Variants in UBN2 observed in about 807,000 individuals in gnomAD.
UBN2 encodes ubinuclein-2.
In UBN2, 35 loss-of-function variants were observed where a neutral mutation model predicts 120.2. The observed-to-expected ratio is 0.29, with a 90% CI of 0.22 to 0.39. The LOEUF (loss-of-function observed/expected upper bound fraction) is 0.39, where lower values mean the gene tolerates loss of function less well. Among genes scored for constraint, UBN2 ranks in the 10% least tolerant of loss-of-function variants. UBN2 has a pLI of 1.00. For synonymous variants in UBN2, 661 were observed against 648.7 expected, an observed-to-expected ratio of 1.02 and a Z score of -0.29; for missense variants, 1,693 against 1,663.2, an observed-to-expected ratio of 1.02 and a Z score of -0.31.
intron 6 of UBN2, 84 bp downstream of exon 6, chr7:139,261,825 A>T: frequency 7.3e-7 from 1 of 1,361,826 alleles, no homozygotes; most frequent in South Asian, 1.4e-5. Context: ...TATTTTCCAC[A>T]TAACACTGGT....
At chr7:139,287,759 G>A (rs1348768519) in intron 15 of UBN2, among the ~76,000 whole-genome samples, 3 of 150,274 alleles carry the variant, frequency 2.0e-5, no homozygotes, top group Admixed American at 1.3e-4. Context: ...CGAAAGTAAG[G>A]TTCTTTTTGT....
Position 139,283,037 on chromosome 7 carries a change from A to C in UBN2, c.2132A>C (p.Lys711Thr). The C allele has an allele frequency of 6.3e-7, 1 of 1,595,446 alleles. No homozygotes were observed. The highest frequency in any genetic ancestry group is 8.5e-7 in the Non-Finnish European group (1 of 1,172,746). ...GCTTTACATTAGGAGTGTAGTCCAA[A>C]AAAGGACCAGAAAACTCCAACATCC... ...FPTMLKECSPKKDQKTPTSLV... is the reference protein window; with the variant it reads ...FPTMLKECSPTKDQKTPTSLV... The change falls in exon 15 of 18, where the codon AAA (lysine) becomes ACA (threonine). Residue 711 changes from lysine to threonine, a missense_variant. Lys to Thr is a moderately conservative substitution (Grantham distance 78). Around this residue, in one of 5 missense-constraint regions of UBN2, gnomAD observed 837 missense variants for 817.6 expected, o/e 1.02. Transcript: ENST00000473989.
In UBN2 at chr7:139,283,516, C is replaced by A; in HGVS notation, c.2611C>A (p.Pro871Thr). 1 of 1,614,162 alleles carries A rather than the reference C, an allele frequency of 6.2e-7. No homozygotes were observed. Among genetic ancestry groups the A allele is most frequent in the Non-Finnish European group, 8.5e-7 (1 of 1,180,026 alleles). The change falls in exon 15 of 18, where the codon CCT (proline) becomes ACT (threonine). Residue 871 changes from proline to threonine, a missense_variant. Physicochemically the swap from Pro to Thr is conservative, Grantham distance 38. Coordinates refer to ENST00000473989, the MANE Select transcript of UBN2 (RefSeq NM_173569.4). ...SIQNPKVSLE[P>T]LPARLLQQGL... ...TCAGAACCCTAAAGTTTCTTTAGAA[C>A]CTTTGCCAGCCAGGCTACTTCAACA...
At chr7:139,281,851 TAGC>T (rs1412175164) in intron 13 of UBN2, among the ~76,000 whole-genome samples, 151 bp from the exon 14 acceptor site, 1 of 152,228 alleles carries the variant, frequency 6.6e-6, no homozygotes, top group African/African-American at 2.4e-5. Flanking sequence ...TCATTCTTCT[TAGC>T]AGACATTTGT....
chr7:139,244,348 T>A (rs1796403807), intron 2 of UBN2, among the ~76,000 whole-genome samples: 1 of 152,162 alleles, frequency 6.6e-6, no homozygotes, highest in Non-Finnish European at 1.5e-5. Flanking sequence ...TGCAATTACG[T>A]TTGTACTTTC....
the UBN2 span, among the ~76,000 whole-genome samples, chr7:139,319,836 G>A: frequency 6.6e-6 from 1 of 151,344 alleles, no homozygotes. Context: ...CAGCACTTTG[G>A]GAGGCCGAGG....
intron 2 of UBN2, among the ~76,000 whole-genome samples, chr7:139,245,096 G>GC (rs1796431584): frequency 2.4e-5 from 3 of 123,978 alleles, no homozygotes; most frequent in African/African-American, 7.1e-5. Flanking sequence ...ACCATGCCCA[G>GC]CTTTTTTTTT....
At chr7:139,292,839 A>G (rs1585030975) in intron 15 of UBN2, among the ~76,000 whole-genome samples, 1 of 152,310 alleles carries the variant, frequency 6.6e-6, no homozygotes, top group Admixed American at 6.5e-5. Context: ...ACAGTAAAGG[A>G]TACCAAGAAG....
At chr7:139,314,911 G>A in the UBN2 span, among the ~76,000 whole-genome samples, 5 of 151,630 alleles carry the variant, frequency 3.3e-5, no homozygotes, top group Admixed American at 2.0e-4. Flanking sequence ...TCAAAGAACC[G>A]TGAATGTTTT....
intron 7 of UBN2, 124 bp downstream of exon 7, chr7:139,266,527 A>G (rs1158071731): frequency 3.9e-6 from 2 of 510,768 alleles, no homozygotes; most frequent in African/African-American, 2.0e-5. Context: ...GCCTTACAGC[A>G]TGTATGATTC....
chr7:139,328,438 G>C, the UBN2 span, among the ~76,000 whole-genome samples: 1 of 152,204 alleles, frequency 6.6e-6, no homozygotes, highest in Non-Finnish European at 1.5e-5. Flanking sequence ...TTTGACATGA[G>C]ATTTTGGTGG....
At chr7:139,261,177 T>C in intron 5 of UBN2, 75 bp from the exon 6 acceptor site, 2 of 1,480,958 alleles carry the variant, frequency 1.4e-6, no homozygotes, top group East Asian at 4.5e-5. Context: ...ATTTTAATTC[T>C]GTGCCTGCTT....
intron 1 of UBN2, among the ~76,000 whole-genome samples, chr7:139,233,936 A>C (rs1184351950): frequency 2.0e-5 from 3 of 152,090 alleles, no homozygotes; most frequent in Non-Finnish European, 4.4e-5. Context: ...TATCTCGTAT[A>C]TCAACCTTCT....
the UBN2 span, among the ~76,000 whole-genome samples, chr7:139,320,083 A>T: frequency 6.6e-6 from 1 of 151,398 alleles, no homozygotes. Flanking sequence ...CTCAAAAAAA[A>T]AAAAGAGAGA....
In UBN2 at chr7:139,248,496, A is replaced by G. The variant is rs112105722; in HGVS notation, c.562-3460A>G. 6.1e-3 allele frequency among the ~76,000 whole-genome samples: 935 copies of G among 152,242 alleles called. 5 individuals are homozygous for G. The highest frequency in any genetic ancestry group is 0.021 in the African/African-American group (858 of 41,536). ...ATTCCTCTATAATTTGATAGAGGAA[A>G]TTGATATCTTACTTTAATCTCATTT... On this transcript the variant is annotated intron_variant, in intron 2 of 17. Coordinates refer to ENST00000473989, the MANE Select transcript of UBN2 (RefSeq NM_173569.4).
Position 139,293,937 on chromosome 7 carries a change from T to C in UBN2, c.3950T>C (p.Leu1317Pro). 2 of 1,614,166 alleles carry C rather than the reference T, an allele frequency of 1.2e-6. No homozygotes were observed. Among genetic ancestry groups the C allele is most frequent in the African/African-American group, 2.7e-5 (2 of 75,056 alleles). ...GGAGGAGCTCAGCATGCAGCAACGC[T>C]TTCCCACTCACCTCTGCCTGCACAC... ...QPGGAQHAAT[L>P]SHSPLPAHLQ... Residue 1317 changes from leucine (L) to proline (P), a missense_variant, in exon 17 of 18, where the codon CTT becomes CCT. By Grantham distance (98) the Leu-to-Pro change is moderately conservative. Transcript: ENST00000473989.
downstream of UBN2, among the ~76,000 whole-genome samples, chr7:139,311,267 G>A (rs922882312): frequency 1.3e-5 from 2 of 152,192 alleles, no homozygotes; most frequent in South Asian, 2.1e-4. Context: ...ATGGGTGTCC[G>A]TTCTTCAGAA....
At position 139,293,388 on chromosome 7, in the gene UBN2, T is replaced by C. The variant is rs1381343203; in HGVS notation, c.3826T>C (p.Phe1276Leu). 7 of 1,614,122 alleles carry C rather than the reference T, an allele frequency of 4.3e-6. No homozygotes were observed. In the South Asian group the frequency reaches 6.6e-5, roughly 15 times the overall value. ...PFQFPLEIFG[F>L]GTDTAGVTTT... is the part of the protein sequence containing the mutation. ...CCAGTTTCCCTTGGAGATATTTGGC[T>C]TTGGAACGGACACAGCTGGAGTGAC... Residue 1276 changes from phenylalanine to leucine, a missense_variant, in exon 16 of 18, where the codon TTT becomes CTT. Coordinates refer to ENST00000473989, the MANE Select transcript of UBN2 (RefSeq NM_173569.4).
the UBN2 span, among the ~76,000 whole-genome samples, chr7:139,326,197 A>G: frequency 6.6e-6 from 1 of 152,194 alleles, no homozygotes; most frequent in African/African-American, 2.4e-5. Flanking sequence ...CAGAGGTTGC[A>G]GTGAGCCAAG....
Sources: allele counts gnomAD v4.1 joint callset (sites outside exome capture counted in the v4.1 genomes callset), GRCh38; gene constraint gnomAD v4.1.1; regional missense constraint gnomAD v4.1.1; transcripts MANE v1.5; gene names NCBI Gene and HGNC (gene_info 2026-07-23, HGNC 2026-07-21).